KCNIP4: variants seen among roughly 807,000 people sequenced by gnomAD.
The protein encoded by KCNIP4 is Kv channel-interacting protein 4.
KCNIP4 carries 12 observed loss-of-function variants against 34.0 expected under a neutral mutation model. The observed-to-expected ratio is 0.35, with a 90% CI of 0.23 to 0.57. The LOEUF (loss-of-function observed/expected upper bound fraction) is 0.57. KCNIP4 is among the 20% of genes least tolerant of loss of function. KCNIP4 has a pLI of 0.83. For synonymous variants in KCNIP4, 124 were observed against 102.2 expected (o/e 1.21, Z -1.29); for missense variants, 238 against 311.7 (o/e 0.76, Z 1.78).
chr4:21,476,620 A>G (rs1177535566), intron 1 of KCNIP4, among the ~76,000 whole-genome samples: 1 of 152,188 alleles, frequency 6.6e-6, no homozygotes, highest in African/African-American at 2.4e-5. Flanking sequence ...AGCCTGTGGT[A>G]TTTCTTTACG....
At chr4:21,512,819 A>G (rs79990052) in intron 1 of KCNIP4, among the ~76,000 whole-genome samples, 8,743 of 152,306 alleles carry the variant, frequency 0.057, 345 homozygotes, top group Non-Finnish European at 0.088. Context: ...GGTCTACATA[A>G]TTGGCTGATT....
chr4:21,477,844 A>G (rs10516386), intron 1 of KCNIP4, among the ~76,000 whole-genome samples: 15,670 of 152,234 alleles, frequency 0.1, 1,122 homozygotes, highest in South Asian at 0.17. Context: ...TCAGAATAAC[A>G]GTAGGGTATT....
intron 1 of KCNIP4, among the ~76,000 whole-genome samples, chr4:21,437,878 CAAGTGTGT>C (rs1237705884): frequency 1.0e-4 from 12 of 115,376 alleles, no homozygotes; most frequent in African/African-American, 3.3e-4. Flanking sequence ...TTTTATTTTA[CAAGTGTGT>C]GTGTGTGTGT....
At chr4:21,842,604 T>A (rs1723753745) in intron 1 of KCNIP4, among the ~76,000 whole-genome samples, 3 of 152,240 alleles carry the variant, frequency 2.0e-5, no homozygotes, top group Non-Finnish European at 4.4e-5. Context: ...TAACACTAAT[T>A]TTTTAGAGCT....
At chr4:20,911,565 A>T (rs1254742779) in intron 1 of KCNIP4, among the ~76,000 whole-genome samples, 1 of 152,152 alleles carries the variant, frequency 6.6e-6, no homozygotes, top group Non-Finnish European at 1.5e-5. Context: ...TGATCCCATT[A>T]TTCATTTTAA....
At chr4:21,778,698 A>T (rs192847630) in intron 1 of KCNIP4, among the ~76,000 whole-genome samples, 1,815 of 152,264 alleles carry the variant, frequency 0.012, 33 homozygotes, top group African/African-American at 0.042. Flanking sequence ...CCTTTGATAC[A>T]AATTAAGGCA....
At chr4:20,752,736 T>C (rs1753867140) in intron 4 of KCNIP4, 1 of 152,232 alleles carries the variant, frequency 6.6e-6, no homozygotes, top group Non-Finnish European at 1.5e-5. Context: ...GTGAAGCCAC[T>C]GGCTTTGACT....
chr4:21,621,217 G>A (rs1200779263), intron 1 of KCNIP4, among the ~76,000 whole-genome samples: 2 of 152,144 alleles, frequency 1.3e-5, no homozygotes, highest in Non-Finnish European at 2.9e-5. Flanking sequence ...TAGTCAAATA[G>A]TATATGTTCA....
At chr4:21,353,519 G>T (rs1718239913) in intron 1 of KCNIP4, among the ~76,000 whole-genome samples, 1 of 152,246 alleles carries the variant, frequency 6.6e-6, no homozygotes, top group Non-Finnish European at 1.5e-5. Flanking sequence ...TTCAATAGCT[G>T]ATTTGATCAA....
At chr4:21,711,796 G>T (rs1713749684) in intron 1 of KCNIP4, among the ~76,000 whole-genome samples, 3 of 152,126 alleles carry the variant, frequency 2.0e-5, no homozygotes, top group Admixed American at 2.0e-4. Context: ...AAATCCCAAT[G>T]ATATCTACTT....
chr4:20,842,418 G>A (rs962747293), intron 3 of KCNIP4, among the ~76,000 whole-genome samples: 42 of 151,890 alleles, frequency 2.8e-4, no homozygotes, highest in African/African-American at 8.5e-4. Context: ...GGGGTGAGAC[G>A]CGAAAAGTCA....
At chr4:21,183,469 G>GTTTTTTTTTTTTTTT (rs3080812) in intron 1 of KCNIP4, among the ~76,000 whole-genome samples, 1 of 128,300 alleles carries the variant, frequency 7.8e-6, no homozygotes, top group Non-Finnish European at 1.7e-5. Context: ...TGTTGTTTTT[G>GTTTTTTTTTTTTTTT]TTTTTTTTTT....
chr4:21,785,180 T>A (rs1366801340), intron 1 of KCNIP4, among the ~76,000 whole-genome samples: 1 of 152,130 alleles, frequency 6.6e-6, no homozygotes, highest in East Asian at 1.9e-4. Flanking sequence ...TATGGACATA[T>A]AACTCACATA....
chr4:20,995,549 C>T (rs545447634), intron 1 of KCNIP4, among the ~76,000 whole-genome samples: 2 of 152,286 alleles, frequency 1.3e-5, no homozygotes, highest in South Asian at 2.1e-4. Flanking sequence ...TATGAGAACC[C>T]GTTCCCATTT....
chr4:21,159,037 T>G (rs1753378271), intron 1 of KCNIP4, among the ~76,000 whole-genome samples: 1 of 152,132 alleles, frequency 6.6e-6, no homozygotes, highest in African/African-American at 2.4e-5. Context: ...CCAAATTGAT[T>G]TACAGAGTCA....
At chr4:21,474,184 C>A (rs1495503) in intron 1 of KCNIP4, among the ~76,000 whole-genome samples, 18,978 of 152,056 alleles carry the variant, frequency 0.12, 1,350 homozygotes, top group South Asian at 0.21. Flanking sequence ...TTCATGAACT[C>A]TATCAGTGGA....
At chr4:21,334,727 G>C (rs1164302904) in intron 1 of KCNIP4, among the ~76,000 whole-genome samples, 1 of 151,894 alleles carries the variant, frequency 6.6e-6, no homozygotes, top group Admixed American at 6.6e-5. Flanking sequence ...CTGTAGATTT[G>C]CCTCTTCTGG....
At chr4:20,981,912 A>G (rs1577480463) in intron 1 of KCNIP4, among the ~76,000 whole-genome samples, 3 of 152,196 alleles carry the variant, frequency 2.0e-5, no homozygotes, top group African/African-American at 7.2e-5. Flanking sequence ...TATGATTTAG[A>G]TATCTCTCCC....
intron 1 of KCNIP4, among the ~76,000 whole-genome samples, chr4:20,894,161 G>A (rs1050128828): frequency 2.0e-5 from 3 of 152,316 alleles, no homozygotes; most frequent in Non-Finnish European, 2.9e-5. Flanking sequence ...GATTACAGGC[G>A]TGAGCCACCG....
Sources: gnomAD v4.1 joint callset for allele counts (sites outside exome capture counted in the v4.1 genomes callset) on GRCh38, gnomAD v4.1.1 for gene constraint, MANE v1.5 for transcripts, NCBI Gene and HGNC (gene_info 2026-07-23, HGNC 2026-07-21) for gene names.